Variants in TRNT1 observed in about 807,000 individuals in gnomAD.
The protein encoded by TRNT1 is CCA tRNA nucleotidyltransferase 1, mitochondrial.
A neutral mutation model predicts 45.6 loss-of-function variants in TRNT1; 44 were observed. The ratio of observed to expected loss-of-function variants is 0.97; its 90% CI spans 0.76 to 1.24. The LOEUF (loss-of-function observed/expected upper bound fraction) is 1.24. Ranked by LOEUF, TRNT1 falls within the 50% of genes most tolerant of loss-of-function variation. The probability of loss-of-function intolerance (pLI) is 0.00; values close to 1 mark genes in which losing one functional copy is unlikely to be tolerated. For missense variants in TRNT1, 633 were observed against 504.4 expected, an observed-to-expected ratio of 1.25 and a Z score of -2.44; for synonymous variants, 201 against 171.4, an observed-to-expected ratio of 1.17 and a Z score of -1.35.
intron 3 of TRNT1, among the ~76,000 whole-genome samples, chr3:3,138,967 A>G (rs1325429699): frequency 6.6e-6 from 1 of 152,220 alleles, no homozygotes; most frequent in Non-Finnish European, 1.5e-5. Context: ...AAGTCTCAGT[A>G]GGAGTTTTCA....
At chr3:3,153,225 A>C (rs1706707662), downstream of TRNT1, 1 of 536,494 alleles carries the variant, frequency 1.9e-6, no homozygotes, top group South Asian at 2.1e-5. Context: ...TTACCTGTGA[A>C]TAATCCCTGA....
At chr3:3,137,527 A>C (rs1197065572) in intron 3 of TRNT1, 74 bp downstream of exon 3, 1 of 1,309,646 alleles carries the variant, frequency 7.6e-7, no homozygotes, top group Non-Finnish European at 1.0e-6. Context: ...CTCTAGTTAA[A>C]AGCAAATAAC....
At chr3:3,133,258 A>C (rs1019992741) in intron 2 of TRNT1, among the ~76,000 whole-genome samples, 2 of 152,128 alleles carry the variant, frequency 1.3e-5, no homozygotes, top group Admixed American at 6.5e-5. Context: ...GTGGCATAGA[A>C]GATTATTTCC....
At chr3:3,127,033 T>G (rs1217064265) in intron 1 of TRNT1, 43 bp downstream of exon 1, 1 of 152,222 alleles carries the variant, frequency 6.6e-6, no homozygotes, top group East Asian at 1.9e-4. Context: ...GTTGGTGGCG[T>G]GAGTTGCTGC....
chr3:3,134,549 C>A (rs943125368), intron 2 of TRNT1, among the ~76,000 whole-genome samples: 5 of 152,140 alleles, frequency 3.3e-5, no homozygotes, highest in African/African-American at 1.2e-4. Context: ...AATCTTAAAA[C>A]AGTAGTTATC....
At chr3:3,146,342 TG>T in intron 5 of TRNT1, 87 bp from the exon 6 acceptor site, 3 of 989,194 alleles carry the variant, frequency 3.0e-6, no homozygotes, top group Non-Finnish European at 4.5e-6. Context: ...AGCAGATGTA[TG>T]GGATAGTACC....
At chr3:3,138,519 A>G (rs1481742173) in intron 3 of TRNT1, among the ~76,000 whole-genome samples, 1 of 152,076 alleles carries the variant, frequency 6.6e-6, no homozygotes, top group Non-Finnish European at 1.5e-5. Context: ...GTGGGCCCTC[A>G]TGTTTCTTTC....
Position 3,148,234 on chromosome 3 carries a change from T to C in TRNT1, c.*80T>C. On this transcript the variant is annotated 3_prime_UTR_variant, in exon 8 of 8. Transcript: ENST00000251607. ...TCCCTCTTAATGAGGTTTTAGAGAC[T>C]ACACCAGAATAAAAGACAGTTTAGG... is the stretch of plus-strand genomic sequence containing the variant. 6.8e-7 allele frequency: 1 copy of C among 1,478,088 alleles called. No individual in the cohort carries two copies. 91.6% of individuals were successfully genotyped at this position (1,478,088 alleles called of 1,614,324 possible).
At chr3:3,144,831 C>T (rs1705884687) in intron 5 of TRNT1, 121 bp downstream of exon 5, 17 of 996,962 alleles carry the variant, frequency 1.7e-5, no homozygotes, top group African/African-American at 3.4e-5. Context: ...TGTCTGTCTC[C>T]AGTGGAGACC....
At chr3:3,138,319 T>C (rs1407126400) in intron 3 of TRNT1, among the ~76,000 whole-genome samples, 1 of 152,214 alleles carries the variant, frequency 6.6e-6, no homozygotes. Flanking sequence ...ACTCAGAAAT[T>C]TAAAGGTATT....
rs958631220 is a variant in TRNT1 at position 3,148,454 on chromosome 3, A to C, written c.*300A>C. On this transcript the variant is annotated 3_prime_UTR_variant, in exon 8 of 8. Coordinates refer to ENST00000251607, the MANE Select transcript of TRNT1 (RefSeq NM_182916.3). ...CTTTTAAAAAAAACTGTTTTTGCAT[A>C]GGGTAGTACTAAGATCTTAAAAAGT... 9.5e-6 allele frequency: 2 copies of C among 211,286 alleles called. No individual in the cohort carries two copies. The highest frequency in any genetic ancestry group is 1.1e-4 in the Admixed American group (2 of 18,740). 13.1% of individuals were successfully genotyped at this position (211,286 alleles called of 1,614,324 possible). A position where few individuals can be genotyped will look rare whatever the true frequency, so the allele number is the denominator to read the frequency against.
intron 2 of TRNT1, chr3:3,129,993 G>T: frequency 6.5e-7 from 1 of 1,548,246 alleles, no homozygotes. Flanking sequence ...TGCAAAACCT[G>T]TCTGGAAGGA....
rs889273579 is a variant in TRNT1 at position 3,148,274 on chromosome 3, C to A, written c.*120C>A. The A allele has an allele frequency of 9.9e-7, 1 of 1,013,468 alleles. No homozygotes were observed. Among genetic ancestry groups the A allele is most frequent in the Non-Finnish European group, 1.4e-6 (1 of 693,952 alleles). The allele number at this position is 1,013,468 out of a possible 1,614,324, so 62.8% of individuals were successfully genotyped here. A position where few individuals can be genotyped will look rare whatever the true frequency, so the allele number is the denominator to read the frequency against. On this transcript the variant is annotated 3_prime_UTR_variant, in exon 8 of 8. Transcript: ENST00000251607. ...GACAGTTTAGGGGACCTCTGTAGAA[C>A]AACAAGGGTCTTATTTTGTGAATTA...
chr3:3,150,905 T>C, downstream of TRNT1: 1 of 1,614,002 alleles, frequency 6.2e-7, no homozygotes. Flanking sequence ...TATTTCATCT[T>C]CAGTGTCTGG....
At chr3:3,139,069 G>A (rs1705490437) in intron 3 of TRNT1, among the ~76,000 whole-genome samples, 1 of 152,044 alleles carries the variant, frequency 6.6e-6, no homozygotes, top group Non-Finnish European at 1.5e-5. Context: ...AAGGGATGAG[G>A]GTCATGTTAA....
chr3:3,145,621 A>G (rs1354686498), intron 5 of TRNT1: 1 of 152,140 alleles, frequency 6.6e-6, no homozygotes, highest in African/African-American at 2.4e-5. Context: ...TTAAAAAACT[A>G]TCCGAATTGG....
chr3:3,129,560 C>G (rs1014433934), intron 2 of TRNT1: 2 of 430,790 alleles, frequency 4.6e-6, no homozygotes, highest in Middle Eastern at 6.8e-4. Context: ...CTAGCCTGGG[C>G]AACAGAGTGA....
chr3:3,140,468 C>A, intron 3 of TRNT1, 42 bp from the exon 4 acceptor site: 1 of 1,595,268 alleles, frequency 6.3e-7, no homozygotes, highest in South Asian at 1.1e-5. Flanking sequence ...GTATGAAAAC[C>A]TAATTTAAAT....
At chr3:3,152,361 A>T, downstream of TRNT1, 1 of 1,316,038 alleles carries the variant, frequency 7.6e-7, no homozygotes, top group South Asian at 1.3e-5. Context: ...ACTTTTTATT[A>T]TAAAGATTGT....
Sources: gnomAD v4.1 joint callset for allele counts (sites outside exome capture counted in the v4.1 genomes callset) on GRCh38, gnomAD v4.1.1 for gene constraint, MANE v1.5 for transcripts, NCBI Gene and HGNC (gene_info 2026-07-23, HGNC 2026-07-21) for gene names.